The following QTGAL variants were observed in gnomAD, a reference collection of about 807,000 sequenced individuals.
The protein encoded by QTGAL is BGnT-like protein 1.
At chr17:83,016,003 T>C in the QTGAL span, among the ~76,000 whole-genome samples, 3 of 152,100 alleles carry the variant, frequency 2.0e-5, no homozygotes, top group African/African-American at 4.8e-5. Flanking sequence ...TGGTCACTTT[T>C]TGGGGGGAAG....
the QTGAL span, among the ~76,000 whole-genome samples, chr17:82,998,363 T>C: frequency 6.6e-6 from 1 of 152,234 alleles, no homozygotes; most frequent in East Asian, 1.9e-4. Flanking sequence ...TGTTTTGTTT[T>C]GAGACGGAGT....
the QTGAL span, among the ~76,000 whole-genome samples, chr17:82,998,474 T>C: frequency 1.3e-5 from 2 of 152,102 alleles, no homozygotes; most frequent in African/African-American, 4.8e-5. Flanking sequence ...GCCTCCTGAG[T>C]AGCTGGGACT....
At chr17:82,989,746 A>C in the QTGAL span, among the ~76,000 whole-genome samples, 49 of 152,252 alleles carry the variant, frequency 3.2e-4, no homozygotes, top group Non-Finnish European at 6.5e-4. Context: ...AAAAGAAATG[A>C]TGCAAAGGTG....
At chr17:83,042,491 A>G in the QTGAL span, among the ~76,000 whole-genome samples, 1 of 152,364 alleles carries the variant, frequency 6.6e-6, no homozygotes, top group Admixed American at 6.5e-5. Context: ...CATTGTTATA[A>G]ATTTAAGATG....
At chr17:82,975,439 T>C in the QTGAL span, among the ~76,000 whole-genome samples, 1 of 31,380 alleles carries the variant, frequency 3.2e-5, no homozygotes, top group Admixed American at 2.5e-4. Flanking sequence ...GACTCCATCC[T>C]CCCAGGGGCT....
At chr17:82,993,686 C>G in the QTGAL span, among the ~76,000 whole-genome samples, 1 of 151,980 alleles carries the variant, frequency 6.6e-6, no homozygotes, top group Non-Finnish European at 1.5e-5. Context: ...AGTACACATT[C>G]TTTTCCGCAG....
chr17:82,994,257 G>C, the QTGAL span, among the ~76,000 whole-genome samples: 1 of 151,910 alleles, frequency 6.6e-6, no homozygotes, highest in South Asian at 2.1e-4. Flanking sequence ...CTTTTAGCCA[G>C]ACTAACAAAA....
the QTGAL span, chr17:82,957,361 T>C: frequency 6.2e-7 from 1 of 1,613,264 alleles, no homozygotes; most frequent in Non-Finnish European, 8.5e-7. Flanking sequence ...ATGCTCACCT[T>C]GCGCTGGCTG....
chr17:82,983,117 CA>C, the QTGAL span, among the ~76,000 whole-genome samples: 2 of 152,024 alleles, frequency 1.3e-5, no homozygotes, highest in Non-Finnish European at 1.5e-5. Context: ...CTGGTCTCTA[CA>C]AAAACACGAA....
the QTGAL span, among the ~76,000 whole-genome samples, chr17:83,039,051 C>T: frequency 7.2e-5 from 11 of 152,148 alleles, no homozygotes; most frequent in Non-Finnish European, 1.0e-4. Context: ...ATACACAAGA[C>T]GATGATGATG....
At chr17:83,003,269 C>T in the QTGAL span, among the ~76,000 whole-genome samples, 1 of 46,110 alleles carries the variant, frequency 2.2e-5, no homozygotes, top group Non-Finnish European at 3.9e-5. Flanking sequence ...TCCCGCCCTC[C>T]GCGTGTGGGA....
chr17:83,006,519 G>C, the QTGAL span: 1 of 985,306 alleles, frequency 1.0e-6, no homozygotes, highest in South Asian at 4.7e-5. The surrounding 1 kb of genome is among the most constrained non-coding windows in gnomAD (Gnocchi z 5.8). Flanking sequence ...CACCAGGAGA[G>C]GGACATGATG....
At chr17:82,946,265 A>C in the QTGAL span, among the ~76,000 whole-genome samples, 2 of 152,244 alleles carry the variant, frequency 1.3e-5, no homozygotes, top group African/African-American at 4.8e-5. Flanking sequence ...ATTTTGGGAC[A>C]CAATAAATGT....
chr17:82,980,826 T>G, the QTGAL span, among the ~76,000 whole-genome samples: 2 of 152,232 alleles, frequency 1.3e-5, no homozygotes, highest in South Asian at 4.2e-4. Context: ...CGTGGGCCAT[T>G]GCTGATCACC....
chr17:82,972,382 C>T, the QTGAL span, among the ~76,000 whole-genome samples: 4 of 127,234 alleles, frequency 3.1e-5, no homozygotes, highest in Non-Finnish European at 6.4e-5. Flanking sequence ...CAGTACTGAC[C>T]ACACCACACC....
At chr17:83,026,993 G>A in the QTGAL span, among the ~76,000 whole-genome samples, 2 of 140,382 alleles carry the variant, frequency 1.4e-5, no homozygotes, top group Non-Finnish European at 3.0e-5. Context: ...ACCCACCCTC[G>A]ACAGACACAC....
the QTGAL span, chr17:83,049,006 G>A: frequency 1.9e-6 from 1 of 532,476 alleles, no homozygotes; most frequent in Non-Finnish European, 3.3e-6. Context: ...AAACTGAAAG[G>A]ACTTTGGGAG....
chr17:83,018,554 G>A, the QTGAL span, among the ~76,000 whole-genome samples: 1 of 152,162 alleles, frequency 6.6e-6, no homozygotes, highest in Non-Finnish European at 1.5e-5. Context: ...GGTTTGGAAA[G>A]GGTATGTAAT....
At chr17:83,045,808 T>C in the QTGAL span, among the ~76,000 whole-genome samples, 1 of 152,058 alleles carries the variant, frequency 6.6e-6, no homozygotes, top group Non-Finnish European at 1.5e-5. Context: ...AAGATATACA[T>C]TTATTTATTT....
Sources: allele counts gnomAD v4.1 joint callset (sites outside exome capture counted in the v4.1 genomes callset), GRCh38; gene constraint gnomAD v4.1.1; non-coding constraint Gnocchi (gnomAD v3.1); transcripts MANE v1.5; gene names NCBI Gene and HGNC (gene_info 2026-07-23, HGNC 2026-07-21).